RMC1: variants seen among roughly 807,000 people sequenced by gnomAD.
RMC1 encodes regulator of MON1-CCZ1 complex.
In RMC1, 44 loss-of-function variants were observed where a neutral mutation model predicts 95.5. The observed-to-expected ratio is 0.46, with a 90% CI of 0.36 to 0.59. RMC1 has a LOEUF of 0.59. Ranked by LOEUF, RMC1 falls within the 20% of genes least tolerant of loss-of-function variation. The pLI is 0.00. For synonymous variants in RMC1, 320 were observed against 303.6 expected (o/e 1.05, Z -0.56); for missense variants, 705 against 819.6 (o/e 0.86, Z 1.71).
chr18:23,508,843 AT>A (rs1352009602), intron 4 of RMC1: 1 of 153,650 alleles, frequency 6.5e-6, no homozygotes, highest in Non-Finnish European at 1.4e-5. Context: ...GCCTTTGTAC[AT>A]TTTTAATAAC....
chr18:23,519,764 A>G (rs1444627206), intron 9 of RMC1, among the ~76,000 whole-genome samples: 2 of 152,158 alleles, frequency 1.3e-5, no homozygotes, highest in African/African-American at 4.8e-5. Context: ...TGCAATTGTG[A>G]GCATGGATGA....
Position 23,529,635 on chromosome 18 carries a change from G to T in RMC1, c.1417G>T (p.Glu473Ter). Residue 473 changes from glutamate to a stop codon, truncating the protein, a stop_gained and splice_region_variant, in exon 16 of 20, where the codon GAG becomes TAG. Transcript: ENST00000269221. LOFTEE classifies it high-confidence loss of function. ...TAAGACCACATTTTTTTCTCCCTAG[G>T]AGATGCCTCATAAATTTGTGATAGC... is the stretch of plus-strand genomic sequence containing the variant. ...HVLSAFVEKK[E>*]MPHKFVIAVL... 4 of 1,613,766 alleles carry T rather than the reference G, an allele frequency of 2.5e-6. No individual in the cohort carries two copies. The highest frequency in any genetic ancestry group is 3.4e-6 in the Non-Finnish European group (4 of 1,179,774).
At chr18:23,522,006 A>G (rs1176278887) in intron 10 of RMC1, among the ~76,000 whole-genome samples, 1 of 152,190 alleles carries the variant, frequency 6.6e-6, no homozygotes, top group Non-Finnish European at 1.5e-5. Context: ...TCTTTGTCCG[A>G]TGGCATTGGG....
chr18:23,509,596 G>A (rs1291219371), intron 5 of RMC1: 3 of 154,012 alleles, frequency 1.9e-5, no homozygotes, highest in East Asian at 1.9e-4. Flanking sequence ...TTTCGCTCTT[G>A]TTGCCCAGGC....
intron 1 of RMC1, 43 bp downstream of exon 1, chr18:23,503,763 G>A (rs778184855): frequency 6.4e-7 from 1 of 1,554,878 alleles, no homozygotes; most frequent in East Asian, 2.5e-5. Context: ...GCCCTGCCGG[G>A]GTCGTGGGCG....
intron 19 of RMC1, 73 bp downstream of exon 19, chr18:23,530,685 G>A: frequency 7.0e-7 from 1 of 1,437,014 alleles, no homozygotes; most frequent in Non-Finnish European, 9.5e-7. Flanking sequence ...CAGCTGGTGG[G>A]CGAGGACCCT....
chr18:23,517,440 G>A (rs992091495), intron 7 of RMC1, among the ~76,000 whole-genome samples: 2 of 152,188 alleles, frequency 1.3e-5, no homozygotes, highest in Middle Eastern at 3.4e-3. Flanking sequence ...GAGCCACCAC[G>A]CCTGGCAGTA....
intron 7 of RMC1, among the ~76,000 whole-genome samples, chr18:23,517,919 T>C (rs1390996403): frequency 6.6e-6 from 1 of 152,156 alleles, no homozygotes; most frequent in Non-Finnish European, 1.5e-5. Context: ...AGTTTCACCA[T>C]GTTGCCCAGG....
intron 14 of RMC1, 135 bp from the exon 15 acceptor site, chr18:23,529,044 G>GT: frequency 7.1e-7 from 1 of 1,407,084 alleles, no homozygotes; most frequent in Non-Finnish European, 9.5e-7. Context: ...GGAAAAAGTT[G>GT]TATCTAAGTA....
intron 5 of RMC1, 35 bp from the exon 6 acceptor site, chr18:23,515,821 T>A (rs990257434): frequency 1.2e-6 from 2 of 1,612,382 alleles, no homozygotes; most frequent in African/African-American, 1.3e-5. Flanking sequence ...TGCCGTTTTT[T>A]AAATGAAGAT....
intron 9 of RMC1, among the ~76,000 whole-genome samples, chr18:23,519,630 GA>G (rs1166874887): frequency 6.6e-6 from 1 of 152,140 alleles, no homozygotes; most frequent in Non-Finnish European, 1.5e-5. Context: ...AAGTAGTTTA[GA>G]AAAAAGTGAT....
Position 23,526,688 on chromosome 18 carries a change from C to T in RMC1, c.1112C>T (p.Pro371Leu). The T allele has an allele frequency of 6.2e-7, 1 of 1,614,136 alleles. No homozygotes were observed. The highest frequency in any genetic ancestry group is 8.5e-7 in the Non-Finnish European group (1 of 1,179,988). ...VKLEPIVNLL[P>L]DKGRLMDFLL... is the part of the protein sequence containing the mutation. Reference sequence around the variant, plus strand: ...CTTGAGCCCATAGTAAATCTCTTACCAGACAAAGGAAGACTCATGGACTTT... The same window carrying T: ...CTTGAGCCCATAGTAAATCTCTTACTAGACAAAGGAAGACTCATGGACTTT... Residue 371 changes from proline to leucine, a missense_variant, in exon 13 of 20, where the codon CCA (proline) becomes CTA (leucine). By Grantham distance (98) the Pro-to-Leu change is moderately conservative. Transcript: ENST00000269221.
chr18:23,520,112 A>G (rs1320144327), intron 9 of RMC1, 90 bp from the exon 10 acceptor site: 3 of 972,356 alleles, frequency 3.1e-6, no homozygotes, highest in Non-Finnish European at 3.3e-6. Context: ...AGGCTTTTAA[A>G]CTGATTTAAA....
chr18:23,518,304 A>C (rs547823096), intron 7 of RMC1, among the ~76,000 whole-genome samples: 90 of 152,322 alleles, frequency 5.9e-4, no homozygotes, highest in African/African-American at 1.9e-3. Context: ...CAGCCCGGGC[A>C]ACATAGTGAG....
Position 23,530,652 on chromosome 18 carries a change from C to CA in RMC1, c.1894+43dup, listed in dbSNP as rs536631149. On this transcript the variant is annotated intron_variant, in intron 19 of 19. Transcript: ENST00000269221. ...AAAAGACTTGGGGTAACCATAGCCT[C>CA]AAAGAGTAGCAGAGGGCACTGGCAG... is the stretch of plus-strand genomic sequence containing the variant. 4.2e-5 allele frequency: 67 copies of CA among 1,585,132 alleles called. 1 individual carries two copies. In the East Asian group the frequency reaches 1.3e-3, roughly 32 times the overall value.
chr18:23,504,660 G>A (rs948051780), intron 2 of RMC1: 1 of 453,040 alleles, frequency 2.2e-6, no homozygotes. Flanking sequence ...TGATTTGGGA[G>A]CCAAATACTT....
chr18:23,518,778 C>A, intron 7 of RMC1, 112 bp from the exon 8 acceptor site: 1 of 928,122 alleles, frequency 1.1e-6, no homozygotes, highest in Non-Finnish European at 1.6e-6. Context: ...TTGTTGGCAG[C>A]AAAATACTCC....
chr18:23,511,859 A>AC (rs1333533979), intron 5 of RMC1, among the ~76,000 whole-genome samples: 1 of 152,156 alleles, frequency 6.6e-6, no homozygotes, highest in East Asian at 1.9e-4. Flanking sequence ...GAGTTGCAGT[A>AC]TAGGTACGAA....
At chr18:23,509,375 T>C in intron 5 of RMC1, 96 bp downstream of exon 5, 1 of 374,768 alleles carries the variant, frequency 2.7e-6, no homozygotes, top group Non-Finnish European at 4.5e-6. Flanking sequence ...ATATATATTT[T>C]AAACATTTTC....
Sources: gnomAD v4.1 joint callset for allele counts (sites outside exome capture counted in the v4.1 genomes callset) on GRCh38, gnomAD v4.1.1 for gene constraint, MANE v1.5 for transcripts, NCBI Gene and HGNC (gene_info 2026-07-23, HGNC 2026-07-21) for gene names.